The following THRB variants were observed in gnomAD, a reference collection of about 807,000 sequenced individuals.
THRB encodes the protein nuclear receptor subfamily 1 group A member 2.
THRB carries 12 observed loss-of-function variants against 47.8 expected under a neutral mutation model. The ratio of observed to expected loss-of-function variants is 0.25; its 90% CI spans 0.16 to 0.41. THRB has a LOEUF of 0.41. Among genes scored for constraint, THRB ranks in the 10% least tolerant of loss-of-function variants. The pLI is 1.00. For synonymous variants in THRB, 218 were observed against 212.2 expected, an observed-to-expected ratio of 1.03 and a Z score of -0.24; for missense variants, 348 against 589.2, an observed-to-expected ratio of 0.59 and a Z score of 4.24.
At chr3:24,159,385 T>C (rs909181546) in intron 5 of THRB, among the ~76,000 whole-genome samples, 12 of 152,158 alleles carry the variant, frequency 7.9e-5, no homozygotes, top group Non-Finnish European at 1.3e-4. Context: ...TCTAGATAGA[T>C]TTGATATAAA....
intron 1 of THRB, among the ~76,000 whole-genome samples, chr3:24,394,935 C>G (rs571841607): frequency 6.6e-6 from 1 of 152,094 alleles, no homozygotes; most frequent in Non-Finnish European, 1.5e-5. Context: ...TATAGACACT[C>G]TGGCAGAGAG....
intron 1 of THRB, among the ~76,000 whole-genome samples, chr3:24,394,773 A>C (rs749724800): frequency 9.9e-5 from 15 of 152,084 alleles, no homozygotes; most frequent in Non-Finnish European, 2.2e-4. Flanking sequence ...AAGGAAGAAC[A>C]ATTCCTTTGA....
At chr3:24,204,198 C>A (rs2044985673) in intron 4 of THRB, among the ~76,000 whole-genome samples, 1 of 152,270 alleles carries the variant, frequency 6.6e-6, no homozygotes, top group Admixed American at 6.5e-5. Context: ...AACAGACAGA[C>A]TGCCTCCTCA....
chr3:24,489,981 T>C (rs1370828762), intron 1 of THRB, among the ~76,000 whole-genome samples: 1 of 152,164 alleles, frequency 6.6e-6, no homozygotes, highest in East Asian at 1.9e-4. Context: ...GAATTTACAT[T>C]AATATACATG....
intron 3 of THRB, among the ~76,000 whole-genome samples, chr3:24,256,923 C>T (rs549640151): frequency 1.3e-5 from 2 of 152,236 alleles, no homozygotes; most frequent in Non-Finnish European, 2.9e-5. Context: ...TTGAAGGTGG[C>T]CATCTGAATT....
intron 3 of THRB, among the ~76,000 whole-genome samples, chr3:24,274,452 A>G (rs960197227): frequency 6.6e-6 from 1 of 152,192 alleles, no homozygotes; most frequent in African/African-American, 2.4e-5. Flanking sequence ...ATGCATGCAC[A>G]GTATTACCAA....
intron 1 of THRB, among the ~76,000 whole-genome samples, chr3:24,414,528 T>A (rs1020739575): frequency 6.6e-6 from 1 of 151,858 alleles, no homozygotes; most frequent in East Asian, 1.9e-4. Flanking sequence ...TCCTTAGCCA[T>A]CCGGACATAG....
At chr3:24,213,753 G>C (rs1337143881) in intron 4 of THRB, among the ~76,000 whole-genome samples, 1 of 152,186 alleles carries the variant, frequency 6.6e-6, no homozygotes, top group Non-Finnish European at 1.5e-5. Context: ...TCATTTCTGA[G>C]CCAAACCTGT....
chr3:24,146,552 T>A, intron 7 of THRB, 123 bp downstream of exon 7: 1 of 1,054,040 alleles, frequency 9.5e-7, no homozygotes, highest in South Asian at 1.3e-5. Context: ...TATGCGAAAG[T>A]AAGGTATTCC....
chr3:24,261,497 CA>C (rs35109952), intron 3 of THRB, among the ~76,000 whole-genome samples: 46,747 of 87,890 alleles, frequency 0.53, 9,650 homozygotes, highest in Middle Eastern at 0.65. Context: ...GATTCTGTCT[CA>C]AAAAAAAAAA....
At chr3:24,490,653 G>C (rs1448855485) in intron 1 of THRB, among the ~76,000 whole-genome samples, 1 of 152,068 alleles carries the variant, frequency 6.6e-6, no homozygotes, top group African/African-American at 2.4e-5. Flanking sequence ...ACATATTCAG[G>C]GGTGTTTATG....
intron 1 of THRB, among the ~76,000 whole-genome samples, chr3:24,403,793 T>G (rs973982148): frequency 6.6e-6 from 1 of 152,000 alleles, no homozygotes; most frequent in African/African-American, 2.4e-5. Context: ...GATAGAAGTT[T>G]GAGGGTTGTC....
intron 5 of THRB, among the ~76,000 whole-genome samples, chr3:24,158,881 G>A (rs2038328147): frequency 6.6e-6 from 1 of 151,600 alleles, no homozygotes; most frequent in African/African-American, 2.4e-5. Context: ...TCGCATACTT[G>A]GGGGCATTGG....
chr3:24,291,642 C>T (rs562214052), intron 3 of THRB, among the ~76,000 whole-genome samples: 37 of 152,220 alleles, frequency 2.4e-4, no homozygotes, highest in African/African-American at 8.2e-4. Context: ...AAGGTTTATA[C>T]ATGTTTAGTA....
intron 3 of THRB, among the ~76,000 whole-genome samples, chr3:24,254,645 G>GTTGA (rs2051056996): frequency 6.6e-6 from 1 of 152,210 alleles, no homozygotes; most frequent in South Asian, 2.1e-4. Context: ...TTTGGATTCT[G>GTTGA]TTGATTGCTA....
At chr3:24,450,205 G>A (rs1383595747) in intron 1 of THRB, among the ~76,000 whole-genome samples, 1 of 152,176 alleles carries the variant, frequency 6.6e-6, no homozygotes, top group Non-Finnish European at 1.5e-5. Context: ...CTGTACCTTA[G>A]AGACCATGTG....
At chr3:24,292,155 C>T (rs892485510) in intron 3 of THRB, among the ~76,000 whole-genome samples, 3 of 151,984 alleles carry the variant, frequency 2.0e-5, no homozygotes, top group East Asian at 3.9e-4. Context: ...TGTGTGTGCA[C>T]ATGTTTGTAC....
intron 5 of THRB, among the ~76,000 whole-genome samples, chr3:24,178,334 A>G (rs2041444589): frequency 6.6e-6 from 1 of 152,150 alleles, no homozygotes; most frequent in African/African-American, 2.4e-5. Context: ...TCTGATTCTA[A>G]TCATGAGGAA....
At chr3:24,188,887 GAGAA>G (rs1312097915) in intron 5 of THRB, among the ~76,000 whole-genome samples, 8 of 73,548 alleles carry the variant, frequency 1.1e-4, no homozygotes, top group Non-Finnish European at 1.5e-4. Context: ...ATATATATGA[GAGAA>G]AGAGAGTCCA....
Sources: allele counts gnomAD v4.1 joint callset (sites outside exome capture counted in the v4.1 genomes callset), GRCh38; gene constraint gnomAD v4.1.1; transcripts MANE v1.5; gene names NCBI Gene and HGNC (gene_info 2026-07-23, HGNC 2026-07-21).